Variants in SMC4 observed in about 807,000 individuals in gnomAD.
SMC4 encodes structural maintenance of chromosomes protein 4.
In SMC4, 87 loss-of-function variants were observed where a neutral mutation model predicts 145.6. That is an observed-to-expected ratio of 0.60 (90% CI 0.50 to 0.71). SMC4 has a LOEUF of 0.71. Ranked by LOEUF, SMC4 falls within the 30% of genes least tolerant of loss-of-function variation. SMC4 has a pLI of 0.00. For missense variants in SMC4, 1,447 were observed against 1,537.1 expected (o/e 0.94, Z 0.98); for synonymous variants, 558 against 500.7 (o/e 1.11, Z -1.53).
At chr3:160,426,042 T>C (rs112865229) in intron 16 of SMC4, 32 bp from the exon 17 acceptor site, 26,477 of 1,515,236 alleles carry the variant, frequency 0.017, 307 homozygotes, top group Middle Eastern at 0.037. Context: ...AATGTTAAAA[T>C]ATTGACCTTA....
chr3:160,422,067 G>T lies in SMC4; in HGVS notation c.2019+1166G>T, dbSNP rs76968588. Among the ~76,000 whole-genome samples, 833 of 152,244 alleles carry T rather than the reference G, an allele frequency of 5.5e-3. 7 individuals are homozygous for T. Among genetic ancestry groups the T allele is most frequent in the African/African-American group, 0.019 (806 of 41,532 alleles). On this transcript the variant is annotated intron_variant, in intron 13 of 23. Transcript: ENST00000357388. Reference sequence around the variant, plus strand: ...CTTCATTCCCTTTTATTGCCAAATGGTATTCTGTTACATCATTTTGTATAA... The same window carrying T: ...CTTCATTCCCTTTTATTGCCAAATGTTATTCTGTTACATCATTTTGTATAA...
chr3:160,431,225 GTTTAAT>G lies in SMC4; in HGVS notation c.3114+26_3114+31del, dbSNP rs758917919. ...AAAGAGGTGAGATTGTTACCGTTTA[GTTTAAT>G]TTTAAACATATTCTTTATGAAAAAG... On this transcript the variant is annotated intron_variant, in intron 20 of 23. Transcript: ENST00000357388. 4 of 1,546,956 alleles carry G rather than the reference GTTTAAT, an allele frequency of 2.6e-6. No individual in the cohort carries two copies. Among genetic ancestry groups the G allele is most frequent in the African/African-American group, 1.4e-5 (1 of 71,564 alleles).
At chr3:160,430,072 A>G (rs1029178538) in intron 18 of SMC4, among the ~76,000 whole-genome samples, 2 of 152,204 alleles carry the variant, frequency 1.3e-5, no homozygotes, top group African/African-American at 4.8e-5. Flanking sequence ...GTATGTATAT[A>G]AAATATTGAA....
chr3:160,431,163 C>T lies in SMC4; in HGVS notation c.3072C>T (p.His1024=). The change falls in exon 20 of 24, where the codon CAC becomes CAT. Residue 1024 remains histidine (H), a synonymous_variant. Transcript: ENST00000357388. ...TGAAACTTGAACAAATAGATGGTCACATTGCTGAACATAATTCTAAAATAA... is the reference window on the plus strand; with the variant it reads ...TGAAACTTGAACAAATAGATGGTCATATTGCTGAACATAATTCTAAAATAA... ...IKLKLEQIDG[H]IAEHNSKIKY... is the part of the protein sequence containing the mutation. The T allele has an allele frequency of 6.3e-7, 1 of 1,594,226 alleles. No homozygotes were observed. The highest frequency in any genetic ancestry group is 1.7e-4 in the Middle Eastern group (1 of 5,762).
At chr3:160,412,259 G>A (rs1028754263) in intron 6 of SMC4, 67 bp from the exon 7 acceptor site, 111 of 1,495,686 alleles carry the variant, frequency 7.4e-5, no homozygotes, top group Non-Finnish European at 9.3e-5. Context: ...TCTAATGTTT[G>A]CATATTTTAA....
At position 160,416,307 on chromosome 3, in the gene SMC4, A is replaced by G. The variant is rs764221401; in HGVS notation, c.1329A>G (p.Thr443=). The part of the protein sequence containing the change: ...AKSNNIINET[T]TRNNALEKEK... ...GTAACAATATCATTAATGAAACAAC[A>G]ACCAGAAACAATGCCCTCGAGAAGG... Residue 443 remains threonine (T), a synonymous_variant, in exon 10 of 24, where the codon ACA becomes ACG. Coordinates refer to ENST00000357388, the MANE Select transcript of SMC4 (RefSeq NM_001002800.3). 1.2e-6 allele frequency: 2 copies of G among 1,602,644 alleles called. No homozygotes were observed. The highest frequency in any genetic ancestry group is 2.7e-5 in the African/African-American group (2 of 73,948).
At position 160,420,754 on chromosome 3, in the gene SMC4, C is replaced by A; in HGVS notation, c.1872C>A (p.Ala624=). 1.2e-6 allele frequency: 2 copies of A among 1,613,546 alleles called. No individual in the cohort carries two copies. Among genetic ancestry groups the A allele is most frequent in the Non-Finnish European group, 1.7e-6 (2 of 1,179,810 alleles). The change falls in exon 13 of 24, where the codon GCC becomes GCA. Residue 624 remains alanine, a synonymous_variant. Transcript: ENST00000357388. The stretch of plus-strand genomic sequence containing the variant: ...TTCATTATTAGGGGGACTTAGGAGC[C>A]ATTGATGAAAAATACGACGTGGCTA... ...GIYGRLGDLG[A]IDEKYDVAIS... is the part of the protein sequence containing the mutation.
rs1021945683 is a variant in SMC4 at position 160,428,889 on chromosome 3, T to C, written c.2742T>C (p.Asp914=). 3 of 1,603,324 alleles carry C rather than the reference T, an allele frequency of 1.9e-6. No homozygotes were observed. The African/African-American group carries it at 4.1e-5, about 22-fold the overall frequency. Residue 914 remains aspartate (D), a synonymous_variant, in exon 18 of 24, where the codon GAT becomes GAC. Transcript: ENST00000357388. The part of the protein sequence containing the change: ...DKLDKINKQL[D]ECASAITKAQ... ...TTGATAAAATAAATAAGCAATTAGA[T>C]GAATGTGCTTCTGCTATTACTAAAG...
chr3:160,426,106 C>A lies in SMC4; in HGVS notation c.2511C>A (p.Val837=). The A allele has an allele frequency of 6.2e-7, 1 of 1,605,424 alleles. No homozygotes were observed. Among genetic ancestry groups the A allele is most frequent in the Non-Finnish European group, 8.5e-7 (1 of 1,175,440 alleles). ...RLIEQEEYLN[V]QVKELEANVL... ...TAGAGCAAGAAGAATATTTGAATGT[C>A]CAAGTTAAGGAACTTGAAGCTAATG... Residue 837 remains valine, a synonymous_variant, in exon 17 of 24, where the codon GTC becomes GTA. Coordinates refer to ENST00000357388, the MANE Select transcript of SMC4 (RefSeq NM_001002800.3).
rs1718339141 is a variant in SMC4 at position 160,430,967 on chromosome 3, T to C, written c.2941-65T>C. 4.2e-5 allele frequency: 62 copies of C among 1,493,324 alleles called. No homozygotes were observed. In the East Asian group the frequency reaches 1.4e-3, roughly 33 times the overall value. The allele number at this position is 1,493,324 out of a possible 1,614,324, so 92.5% of individuals were successfully genotyped here. On this transcript the variant is annotated intron_variant, in intron 19 of 23. Coordinates refer to ENST00000357388, the MANE Select transcript of SMC4 (RefSeq NM_001002800.3). The stretch of plus-strand genomic sequence containing the variant: ...AGGAGAGATTGGTAATTCCTTCATC[T>C]CTGTAATGTGAAAATGATGGCTCTA...
At chr3:160,418,125 C>A (rs2108479502) in intron 11 of SMC4, among the ~76,000 whole-genome samples, 169 bp downstream of exon 11, 1 of 152,136 alleles carries the variant, frequency 6.6e-6, no homozygotes, top group Admixed American at 6.5e-5. Flanking sequence ...TGAACTGAGA[C>A]TATCAAGAAA....
intron 13 of SMC4, among the ~76,000 whole-genome samples, chr3:160,421,393 A>C (rs1182205052): frequency 6.6e-6 from 1 of 152,202 alleles, no homozygotes; most frequent in Non-Finnish European, 1.5e-5. Context: ...CCACTAAAGG[A>C]ATGTACATTC....
At chr3:160,400,702 C>T (rs892336925) in intron 1 of SMC4, 120 bp from the exon 2 acceptor site, 106 of 1,262,736 alleles carry the variant, frequency 8.4e-5, no homozygotes, top group Non-Finnish European at 9.9e-5. Flanking sequence ...GTCCCGCTGC[C>T]TCTAAGCGGA....
chr3:160,400,651 C>T lies in SMC4; in HGVS notation c.-5-171C>T, dbSNP rs527366150. Reference sequence around the variant, plus strand: ...AGGTCTTGTTAAGAAACCAGTCCTGCCTTCTTGCCACTCGTGTCTTTCGAT... The same window carrying T: ...AGGTCTTGTTAAGAAACCAGTCCTGTCTTCTTGCCACTCGTGTCTTTCGAT... On this transcript the variant is annotated intron_variant, in intron 1 of 23. Coordinates refer to ENST00000357388, the MANE Select transcript of SMC4 (RefSeq NM_001002800.3). 124 of 768,532 alleles carry T rather than the reference C, an allele frequency of 1.6e-4. No homozygotes were observed. In the East Asian group the frequency reaches 3.2e-3, roughly 20 times the overall value. 47.6% of individuals were successfully genotyped at this position (768,532 alleles called of 1,614,324 possible).
chr3:160,411,757 A>G, intron 5 of SMC4, 163 bp from the exon 6 acceptor site: 1 of 523,660 alleles, frequency 1.9e-6, no homozygotes, highest in East Asian at 3.0e-5. Context: ...ACCAGTGAAA[A>G]TAACATTTTT....
At chr3:160,415,535 C>T (rs1716491753) in intron 9 of SMC4, among the ~76,000 whole-genome samples, 1 of 152,216 alleles carries the variant, frequency 6.6e-6, no homozygotes. Context: ...ACGCTATAAG[C>T]ATTTTCTAAA....
chr3:160,421,064 G>A (rs999305587), intron 13 of SMC4, among the ~76,000 whole-genome samples, 163 bp downstream of exon 13: 1 of 152,054 alleles, frequency 6.6e-6, no homozygotes, highest in Non-Finnish European at 1.5e-5. Context: ...CGAGTATCTG[G>A]TACTACAGGT....
chr3:160,414,480 A>G lies in SMC4; in HGVS notation c.1235A>G (p.Lys412Arg). The G allele has an allele frequency of 6.2e-7, 1 of 1,611,588 alleles. No homozygotes were observed. The highest frequency in any genetic ancestry group is 8.5e-7 in the Non-Finnish European group (1 of 1,179,370). Reference protein sequence around the residue: ...EKLKHATSKAKKLEKQLQKDK... With the variant: ...EKLKHATSKARKLEKQLQKDK... ...TTAAAACATGCCACGAGTAAAGCCA[A>G]AAAACTGGAGAAACAACTTCAAAAA... The change falls in exon 9 of 24, where the codon AAA becomes AGA. Residue 412 changes from lysine to arginine, a missense_variant. Transcript: ENST00000357388.
chr3:160,401,056 G>T, intron 2 of SMC4, 91 bp downstream of exon 2: 2 of 1,337,232 alleles, frequency 1.5e-6, no homozygotes, highest in Non-Finnish European at 1.9e-6. Context: ...GTTGTTGAGC[G>T]CGGAGTTGAC....
Sources: allele counts gnomAD v4.1 joint callset (sites outside exome capture counted in the v4.1 genomes callset), GRCh38; gene constraint gnomAD v4.1.1; transcripts MANE v1.5; gene names NCBI Gene and HGNC (gene_info 2026-07-23, HGNC 2026-07-21).